Variants in PRKAG2 observed in about 807,000 individuals in gnomAD.
PRKAG2 encodes the protein protein kinase AMP-activated non-catalytic subunit gamma 2, also known as 5'-AMP-activated protein kinase subunit gamma-2.
A neutral mutation model predicts 69.6 loss-of-function variants in PRKAG2; 26 were observed. The observed-to-expected ratio is 0.37, with a 90% CI of 0.27 to 0.52. The LOEUF (loss-of-function observed/expected upper bound fraction) is 0.52. Ranked by LOEUF, PRKAG2 falls within the 20% of genes least tolerant of loss-of-function variation. The pLI is 0.90. For missense variants in PRKAG2, 557 were observed against 740.0 expected, an observed-to-expected ratio of 0.75 and a Z score of 2.87; for synonymous variants, 293 against 285.0, an observed-to-expected ratio of 1.03 and a Z score of -0.28.
rs529733613 is a variant in PRKAG2 at position 151,590,389 on chromosome 7, G to A, written c.864+4956C>T. ...CTCTGCGGGGTGTGGATGCACAGGC[G>A]GAATTGGTGGCATCACCAGGTTTGA... On this transcript the variant is annotated intron_variant, in intron 6 of 15. Coordinates refer to ENST00000287878, the MANE Select transcript of PRKAG2 (RefSeq NM_016203.4). Among the ~76,000 whole-genome samples the A allele has an allele frequency of 7.2e-4, 109 of 152,334 alleles. 1 individual carries two copies. Among genetic ancestry groups the A allele is most frequent in the African/African-American group, 2.1e-3 (86 of 41,576 alleles).
intron 1 of PRKAG2, among the ~76,000 whole-genome samples, chr7:151,865,226 C>T (rs117824141): frequency 0.013 from 1,927 of 152,302 alleles, 22 homozygotes; most frequent in Non-Finnish European, 0.021. Context: ...GCCTAGACGG[C>T]CTGCTGGACA....
At chr7:151,870,209 A>G (rs905575142) in intron 1 of PRKAG2, among the ~76,000 whole-genome samples, 1 of 151,740 alleles carries the variant, frequency 6.6e-6, no homozygotes, top group African/African-American at 2.4e-5. Flanking sequence ...AGACAGAGGA[A>G]TAACTCATGG....
At chr7:151,653,132 C>T (rs1828820836) in intron 4 of PRKAG2, among the ~76,000 whole-genome samples, 1 of 152,130 alleles carries the variant, frequency 6.6e-6, no homozygotes, top group African/African-American at 2.4e-5. Context: ...CATAGCAGAG[C>T]CTAGTACAGC....
At chr7:151,744,379 G>A (rs1055922161) in intron 3 of PRKAG2, among the ~76,000 whole-genome samples, 4 of 152,078 alleles carry the variant, frequency 2.6e-5, no homozygotes, top group Non-Finnish European at 4.4e-5. Flanking sequence ...CTGGGTCTCC[G>A]TTGTAGACAC....
intron 5 of PRKAG2, among the ~76,000 whole-genome samples, chr7:151,608,770 A>T (rs1372057082): frequency 1.3e-5 from 2 of 152,230 alleles, no homozygotes; most frequent in Non-Finnish European, 2.9e-5. Flanking sequence ...ATATACCTTT[A>T]TAAGATTAAA....
At position 151,560,603 on chromosome 7, in the gene PRKAG2, CACCAGCCGATGG is replaced by C; in HGVS notation, c.1587_1598del (p.His530_Val533del). On this transcript the variant is annotated inframe_deletion and splice_region_variant, in exon 15 of 16. Coordinates refer to ENST00000287878, the MANE Select transcript of PRKAG2 (RefSeq NM_016203.4). Reference sequence around the variant, plus strand: ...CAATACTATCTGCTTCATTTACCACCACCAGCCGATGGACCTGCAAAGAGAAAAGCAGGACAC... The same window carrying C: ...CAATACTATCTGCTTCATTTACCACCACCTGCAAAGAGAAAAGCAGGACAC... 6.2e-7 allele frequency: 1 copy of C among 1,614,064 alleles called. No individual in the cohort carries two copies. Among genetic ancestry groups the C allele is most frequent in the Non-Finnish European group, 8.5e-7 (1 of 1,179,948 alleles).
Position 151,733,739 on chromosome 7 carries a change from C to A in PRKAG2, c.466+47413G>T, listed in dbSNP as rs148487033. Among the ~76,000 whole-genome samples, 1,163 of 151,944 alleles carry A rather than the reference C, an allele frequency of 7.7e-3. 63 individuals are homozygous for A. The highest frequency in any genetic ancestry group is 0.069 in the Admixed American group (1,047 of 15,266). ...TTTTTGAGGGTCTTGCGCTGACTCCCAGCCTGGAGTACAGTGATGTGATCA... is the reference window on the plus strand; with the variant it reads ...TTTTTGAGGGTCTTGCGCTGACTCCAAGCCTGGAGTACAGTGATGTGATCA... On this transcript the variant is annotated intron_variant, in intron 3 of 15. Transcript: ENST00000287878.
At chr7:151,866,821 G>T (rs547104427) in intron 1 of PRKAG2, among the ~76,000 whole-genome samples, 1 of 152,096 alleles carries the variant, frequency 6.6e-6, no homozygotes, top group Non-Finnish European at 1.5e-5. Context: ...TCTTCTGGAA[G>T]TTGAGCAGGT....
chr7:151,570,597 A>T (rs1294929887), intron 9 of PRKAG2, among the ~76,000 whole-genome samples: 1 of 152,214 alleles, frequency 6.6e-6, no homozygotes, highest in Non-Finnish European at 1.5e-5. Context: ...TTAAAAAATC[A>T]ATTTCCATAA....
At chr7:151,596,017 A>C (rs761015760) in intron 5 of PRKAG2, among the ~76,000 whole-genome samples, 2 of 152,058 alleles carry the variant, frequency 1.3e-5, no homozygotes, top group Non-Finnish European at 2.9e-5. Context: ...AAAACTAATA[A>C]AATAAAATAA....
chr7:151,595,062 T>C (rs919050299), intron 6 of PRKAG2, among the ~76,000 whole-genome samples: 1 of 152,142 alleles, frequency 6.6e-6, no homozygotes, highest in African/African-American at 2.4e-5. Context: ...CCTCCCAAAG[T>C]GCTGGGATTA....
chr7:151,813,187 G>A (rs1332636869), intron 1 of PRKAG2, among the ~76,000 whole-genome samples: 1 of 152,110 alleles, frequency 6.6e-6, no homozygotes, highest in Non-Finnish European at 1.5e-5. Flanking sequence ...CCGAATTCTC[G>A]ATTTATGTTT....
intron 3 of PRKAG2, among the ~76,000 whole-genome samples, chr7:151,759,495 T>C (rs1398908037): frequency 1.3e-5 from 2 of 152,190 alleles, no homozygotes; most frequent in South Asian, 2.1e-4. Flanking sequence ...CAGGTTCTCA[T>C]GTAACGTGGT....
At chr7:151,787,175 C>T (rs2077051688) in intron 1 of PRKAG2, among the ~76,000 whole-genome samples, 1 of 152,210 alleles carries the variant, frequency 6.6e-6, no homozygotes, top group South Asian at 2.1e-4. Context: ...GCATCCCTAA[C>T]CTTTCTTTTT....
rs546544576 is a variant in PRKAG2, at chr7:151,688,774, C to T, written c.467-13137G>A. Among the ~76,000 whole-genome samples, 307 of 152,282 alleles carry T rather than the reference C, an allele frequency of 2.0e-3. 3 individuals are homozygous for T. Among genetic ancestry groups the T allele is most frequent in the African/African-American group, 6.9e-3 (288 of 41,558 alleles). On this transcript the variant is annotated intron_variant, in intron 3 of 15. Transcript: ENST00000287878. ...ATCTCAGGACACTTGGATCATCTGACGAAACTGATGAATGAAGCATGGGTA... is the reference window on the plus strand; with the variant it reads ...ATCTCAGGACACTTGGATCATCTGATGAAACTGATGAATGAAGCATGGGTA...
intron 1 of PRKAG2, among the ~76,000 whole-genome samples, chr7:151,803,579 T>C (rs747600982): frequency 4.6e-5 from 7 of 152,200 alleles, no homozygotes; most frequent in Non-Finnish European, 7.3e-5. Context: ...GAAAATGATA[T>C]CCTACTCCAT....
chr7:151,770,173 G>A (rs933794288), intron 3 of PRKAG2, among the ~76,000 whole-genome samples: 5 of 152,154 alleles, frequency 3.3e-5, no homozygotes, highest in Admixed American at 1.3e-4. Context: ...TCCTTTTGCA[G>A]GTTCGACACA....
At chr7:151,751,433 TTTTTACAGCTACATGGTACTCTGCTATG>T (rs1253240843) in intron 3 of PRKAG2, among the ~76,000 whole-genome samples, 6 of 151,946 alleles carry the variant, frequency 3.9e-5, no homozygotes, top group Non-Finnish European at 8.8e-5. Flanking sequence ...TGCCATATTT[TTTTTACAGCTACATGGTACTCTGCTATG>T]TAGCTGTAAC....
In PRKAG2 at chr7:151,775,552, C is replaced by T. The variant is rs912252156; in HGVS notation, c.466+5600G>A. On this transcript the variant is annotated intron_variant, in intron 3 of 15. Transcript: ENST00000287878. Reference sequence around the variant, plus strand: ...TCGTGTGAATATAAAAGAAGAGGGACGAAAACTGGATTCAGAAAGGCTGGA... The same window carrying T: ...TCGTGTGAATATAAAAGAAGAGGGATGAAAACTGGATTCAGAAAGGCTGGA... Among the ~76,000 whole-genome samples the T allele has an allele frequency of 3.9e-4, 59 of 152,152 alleles. 1 individual carries two copies. The highest frequency in any genetic ancestry group is 5.8e-4 in the East Asian group (3 of 5,190).
Sources: allele counts gnomAD v4.1 joint callset (sites outside exome capture counted in the v4.1 genomes callset), GRCh38; gene constraint gnomAD v4.1.1; transcripts MANE v1.5; gene names NCBI Gene and HGNC (gene_info 2026-07-23, HGNC 2026-07-21).